Variants in CIRSR observed in about 807,000 individuals in gnomAD.
CIRSR encodes the protein corepressor of RBPJ and splicing regulator, also known as CBF1 (RBPJ) interacting corepressor 1.
the CIRSR span, among the ~76,000 whole-genome samples, chr2:174,353,101 C>T: frequency 6.6e-6 from 1 of 152,122 alleles, no homozygotes; most frequent in Admixed American, 6.5e-5. Flanking sequence ...CTTTACCATT[C>T]CATTCATATT....
the CIRSR span, among the ~76,000 whole-genome samples, chr2:174,383,692 G>T: frequency 6.8e-6 from 1 of 146,248 alleles, no homozygotes; most frequent in East Asian, 2.0e-4. Flanking sequence ...TGCACTCCAG[G>T]CTGGGTGATA....
chr2:174,348,634 G>A, the CIRSR span: 14 of 1,613,988 alleles, frequency 8.7e-6, no homozygotes, highest in Admixed American at 8.3e-5. Flanking sequence ...CGCTGTGCCC[G>A]TTTCCTTGTC....
At chr2:174,395,678 C>G in the CIRSR span, 4 of 1,613,746 alleles carry the variant, frequency 2.5e-6, no homozygotes, top group Non-Finnish European at 3.4e-6. Flanking sequence ...CGTAAACAAA[C>G]TCAGCCGCCT....
At chr2:174,349,144 T>C in the CIRSR span, 1 of 1,483,556 alleles carries the variant, frequency 6.7e-7, no homozygotes, top group Non-Finnish European at 8.9e-7. Flanking sequence ...TCTTTTTTCT[T>C]TTTTTTCTTC....
At chr2:174,393,326 G>C in the CIRSR span, among the ~76,000 whole-genome samples, 1 of 152,026 alleles carries the variant, frequency 6.6e-6, no homozygotes, top group Non-Finnish European at 1.5e-5. Flanking sequence ...TTGAGGCAGC[G>C]CATAACAATA....
chr2:174,351,801 G>C, the CIRSR span: 5 of 1,063,106 alleles, frequency 4.7e-6, no homozygotes, highest in Non-Finnish European at 6.8e-6. Context: ...TAGGAATGCA[G>C]TTGAAGCTTT....
the CIRSR span, among the ~76,000 whole-genome samples, chr2:174,356,466 CAAAAGACAGACAGAAA>C: frequency 5.5e-5 from 8 of 145,476 alleles, no homozygotes; most frequent in African/African-American, 2.0e-4. Flanking sequence ...GAGATCCTGT[CAAAAGACAGACAGAAA>C]AAAAGACAGA....
chr2:174,379,969 C>T, the CIRSR span, among the ~76,000 whole-genome samples: 1 of 151,786 alleles, frequency 6.6e-6, no homozygotes, highest in African/African-American at 2.4e-5. Context: ...GTGATCCGCC[C>T]GCCTCGGCCT....
chr2:174,383,849 CAAAAAAAAAAAAA>C, the CIRSR span, among the ~76,000 whole-genome samples: 1 of 121,470 alleles, frequency 8.2e-6, no homozygotes, highest in South Asian at 2.4e-4. Context: ...AGCTATCTTC[CAAAAAAAAAAAAA>C]AAAAAGAAAA....
At chr2:174,381,212 TA>T in the CIRSR span, among the ~76,000 whole-genome samples, 2 of 152,222 alleles carry the variant, frequency 1.3e-5, 1 homozygote, top group South Asian at 4.1e-4. Context: ...ATTAGAAAGA[TA>T]TTTTTTAGTA....
chr2:174,377,824 CAAAAAAAA>C, the CIRSR span, among the ~76,000 whole-genome samples: 1 of 60,056 alleles, frequency 1.7e-5, no homozygotes, highest in African/African-American at 6.8e-5. Context: ...GACGCCATCT[CAAAAAAAA>C]AAAAAAAAAA....
the CIRSR span, chr2:174,379,085 T>C: frequency 1.5e-6 from 2 of 1,309,980 alleles, no homozygotes; most frequent in Non-Finnish European, 1.1e-6. Flanking sequence ...AAAGTAAGAA[T>C]CTAACCAATG....
At chr2:174,381,797 G>A in the CIRSR span, 1 of 1,505,056 alleles carries the variant, frequency 6.6e-7, no homozygotes, top group Admixed American at 2.3e-5. Context: ...ACAAGACAAA[G>A]TTAACGATTT....
chr2:174,370,023 G>A, the CIRSR span: 6 of 1,364,658 alleles, frequency 4.4e-6, no homozygotes, highest in African/African-American at 7.4e-5. Flanking sequence ...ATCTGCAAAG[G>A]GCAAGAAAGT....
the CIRSR span, among the ~76,000 whole-genome samples, chr2:174,377,312 T>C: frequency 6.6e-6 from 1 of 152,200 alleles, no homozygotes; most frequent in Non-Finnish European, 1.5e-5. Context: ...GGGGCTTTAT[T>C]TCCTTTGAGG....
the CIRSR span, among the ~76,000 whole-genome samples, chr2:174,374,229 T>A: frequency 6.6e-6 from 1 of 152,264 alleles, no homozygotes; most frequent in African/African-American, 2.4e-5. Flanking sequence ...AATCTTTCTT[T>A]TTTGGTCAAC....
the CIRSR span, among the ~76,000 whole-genome samples, chr2:174,370,772 G>A: frequency 6.6e-6 from 1 of 152,108 alleles, no homozygotes; most frequent in Non-Finnish European, 1.5e-5. Flanking sequence ...TTAGCCAGGT[G>A]TGGTGGCAGG....
the CIRSR span, among the ~76,000 whole-genome samples, chr2:174,395,311 T>C: frequency 4.1e-3 from 625 of 152,328 alleles, 6 homozygotes; most frequent in African/African-American, 0.014. Flanking sequence ...ATTATGGATT[T>C]GCATTCTGGC....
chr2:174,383,882 T>A, the CIRSR span, among the ~76,000 whole-genome samples: 1 of 149,354 alleles, frequency 6.7e-6, no homozygotes, highest in Non-Finnish European at 1.5e-5. Flanking sequence ...ATAACAAATG[T>A]TAGAGAGGAT....
Sources: allele counts gnomAD v4.1 joint callset (sites outside exome capture counted in the v4.1 genomes callset), GRCh38; gene constraint gnomAD v4.1.1; transcripts MANE v1.5; gene names NCBI Gene and HGNC (gene_info 2026-07-23, HGNC 2026-07-21).